Variants in ABCB5 observed in about 807,000 individuals in gnomAD.
ABCB5 encodes the protein ATP binding cassette subfamily B member 5.
Under a neutral mutation model 144.2 loss-of-function variants are expected in ABCB5, and 155 were observed. The observed-to-expected ratio is 1.08, with a 90% CI of 0.94 to 1.23. The LOEUF is 1.23. ABCB5 is among the 50% of genes most tolerant of loss of function. The pLI is 0.00. For missense variants in ABCB5, 1,830 were observed against 1,520.8 expected (o/e 1.20, Z -3.38); for synonymous variants, 610 against 528.6 (o/e 1.15, Z -2.11).
chr7:20,658,029 G>A (rs1018942043), intron 13 of ABCB5, among the ~76,000 whole-genome samples: 6 of 152,102 alleles, frequency 3.9e-5, no homozygotes, highest in South Asian at 2.1e-4. Context: ...TCTCAAGATG[G>A]AAAAAACGTT....
chr7:20,628,328 G>A (rs1783954597), intron 3 of ABCB5, among the ~76,000 whole-genome samples: 1 of 152,124 alleles, frequency 6.6e-6, no homozygotes, highest in East Asian at 1.9e-4. Context: ...TCCCTGCAAA[G>A]GACATGAACT....
At position 20,756,903 on chromosome 7, in the gene ABCB5, AG is replaced by A. The variant is rs1783102534; in HGVS notation, c.*1280del. 1.3e-5 allele frequency: 2 copies of A among 152,358 alleles called. No individual in the cohort carries two copies. The highest frequency in any genetic ancestry group is 4.8e-5 in the African/African-American group (2 of 41,458). The allele number at this position is 152,358 out of a possible 1,614,324, so 9.4% of individuals were successfully genotyped here. On this transcript the variant is annotated 3_prime_UTR_variant, in exon 28 of 28. Coordinates refer to ENST00000404938, the MANE Select transcript of ABCB5 (RefSeq NM_001163941.2). ...TTACACATTTAGCTAGCCTCCCTAA[AG>A]TGTACTCTACCAATAATTGAAATCT...
chr7:20,715,885 A>G (rs1480014155), intron 20 of ABCB5, among the ~76,000 whole-genome samples: 2 of 151,792 alleles, frequency 1.3e-5, no homozygotes, highest in Non-Finnish European at 2.9e-5. Context: ...ACGCCCAGCT[A>G]ATTTTTGTAT....
chr7:20,702,126 C>T (rs543928352), intron 19 of ABCB5, among the ~76,000 whole-genome samples: 5 of 152,288 alleles, frequency 3.3e-5, no homozygotes, highest in African/African-American at 1.2e-4. Context: ...TATGTGATTA[C>T]TTTAGATTCT....
intron 7 of ABCB5, among the ~76,000 whole-genome samples, chr7:20,644,137 G>A (rs117557136): frequency 0.099 from 14,944 of 151,596 alleles, 911 homozygotes; most frequent in Non-Finnish European, 0.13. Flanking sequence ...ACAGGCTGGA[G>A]TGCAGTGGTG....
chr7:20,629,828 T>C (rs533361090), intron 4 of ABCB5, among the ~76,000 whole-genome samples: 43 of 152,196 alleles, frequency 2.8e-4, no homozygotes, highest in African/African-American at 9.4e-4. Flanking sequence ...ATCAAATCTT[T>C]CAGTTTAGTA....
intron 1 of ABCB5, among the ~76,000 whole-genome samples, chr7:20,621,654 T>C (rs1254564330): frequency 6.6e-6 from 1 of 152,114 alleles, no homozygotes; most frequent in Non-Finnish European, 1.5e-5. Flanking sequence ...ATAGGGTAAC[T>C]AGGATTTGCA....
rs1182270524 is a variant in ABCB5 at position 20,710,227 on chromosome 7, C to T, written c.2421+5420C>T. On this transcript the variant is annotated intron_variant, in intron 20 of 27. Transcript: ENST00000404938. ...GTCTCTCTACTAAAAATTAGGTGGG[C>T]GTGGTGGGGGGCATCTATAATCCCA... Among the ~76,000 whole-genome samples the T allele has an allele frequency of 4.1e-5, 6 of 145,392 alleles. 2 individuals are homozygous for T. The highest frequency in any genetic ancestry group is 5.1e-5 in the African/African-American group (2 of 38,844).
Position 20,647,660 on chromosome 7 carries a change from T to A in ABCB5, c.1095+12T>A. 1 of 1,552,012 alleles carries A rather than the reference T, an allele frequency of 6.4e-7. No homozygotes were observed. Among genetic ancestry groups the A allele is most frequent in the Non-Finnish European group, 8.7e-7 (1 of 1,148,300 alleles). ...AGGTTATTGATAAGGTAAGACCTCT[T>A]ATTGCTTTGAAGAATAACTATCATT... On this transcript the variant is annotated intron_variant, in intron 10 of 27. Transcript: ENST00000404938.
In ABCB5 at chr7:20,646,070, G is replaced by T; in HGVS notation, c.913G>T (p.Ala305Ser). The change falls in exon 9 of 28, where the codon GCT becomes TCT. Residue 305 changes from alanine (A) to serine (S), a missense_variant. Ala to Ser is a moderately conservative substitution (Grantham distance 99). Transcript: ENST00000404938. ...YFFMNGTYGL[A>S]FWYGTSLILN... ...CTTTATGAATGGAACCTATGGACTT[G>T]CTTTTTGGTATGGAACCTCCTTGAT... 6.2e-7 allele frequency: 1 copy of T among 1,613,794 alleles called. No homozygotes were observed. The highest frequency in any genetic ancestry group is 2.2e-5 in the East Asian group (1 of 44,872).
At chr7:20,689,060 T>A (rs1434045976) in intron 16 of ABCB5, among the ~76,000 whole-genome samples, 1 of 152,086 alleles carries the variant, frequency 6.6e-6, no homozygotes, top group Non-Finnish European at 1.5e-5. Flanking sequence ...GGCACATGTA[T>A]ACATATGTAA....
intron 5 of ABCB5, among the ~76,000 whole-genome samples, chr7:20,634,209 T>C: frequency 6.7e-6 from 1 of 150,040 alleles, no homozygotes; most frequent in East Asian, 1.9e-4. Context: ...CATGATCTCA[T>C]TATTTTTATG....
chr7:20,719,695 G>A (rs1045420507), intron 20 of ABCB5, among the ~76,000 whole-genome samples: 1 of 152,176 alleles, frequency 6.6e-6, no homozygotes, highest in Non-Finnish European at 1.5e-5. Flanking sequence ...TTCGTGCAGG[G>A]AAGAGGCAGG....
At chr7:20,719,868 A>G (rs1781804896) in intron 20 of ABCB5, among the ~76,000 whole-genome samples, 1 of 152,174 alleles carries the variant, frequency 6.6e-6, no homozygotes, top group Non-Finnish European at 1.5e-5. Flanking sequence ...AATTGGAGGT[A>G]TTGATATGAC....
chr7:20,728,349 T>C lies in ABCB5; in HGVS notation c.2761T>C (p.Cys921Arg). The change falls in exon 23 of 28, where the codon TGT (cysteine) becomes CGT (arginine). Residue 921 changes from cysteine to arginine, a missense_variant. Cys to Arg is a radical substitution (Grantham distance 180, BLOSUM62 -3). Coordinates refer to ENST00000404938, the MANE Select transcript of ABCB5 (RefSeq NM_001163941.2). ...GAAGAAAGCACAGATTATTGGAAGCTGTTATGCATTCAGCCATGCCTTTAT... is the reference window on the plus strand; with the variant it reads ...GAAGAAAGCACAGATTATTGGAAGCCGTTATGCATTCAGCCATGCCTTTAT... ...TSKKAQIIGS[C>R]YAFSHAFIYF... is the part of the protein sequence containing the mutation. 6.2e-7 allele frequency: 1 copy of C among 1,614,170 alleles called. No individual in the cohort carries two copies.
chr7:20,693,665 T>C (rs1269725608), intron 16 of ABCB5, among the ~76,000 whole-genome samples: 1 of 151,996 alleles, frequency 6.6e-6, no homozygotes, highest in Non-Finnish European at 1.5e-5. Context: ...ATTAATATAC[T>C]AAGCTTCCAC....
At chr7:20,725,115 CA>C (rs1438209587) in intron 21 of ABCB5, among the ~76,000 whole-genome samples, 2 of 152,182 alleles carry the variant, frequency 1.3e-5, no homozygotes, top group Admixed American at 1.3e-4. Flanking sequence ...AGAGCAACCT[CA>C]GACTATACAA....
intron 16 of ABCB5, among the ~76,000 whole-genome samples, chr7:20,686,826 C>A (rs559429924): frequency 6.6e-6 from 1 of 152,052 alleles, no homozygotes; most frequent in Non-Finnish European, 1.5e-5. Context: ...CCTCTTAGCC[C>A]GTCTTCATGC....
intron 13 of ABCB5, among the ~76,000 whole-genome samples, chr7:20,655,193 C>T (rs1221783583): frequency 1.3e-5 from 2 of 152,102 alleles, no homozygotes; most frequent in Non-Finnish European, 2.9e-5. Context: ...AACAGCTGGG[C>T]ATTTTTTGAC....
Sources: gnomAD v4.1 joint callset for allele counts (sites outside exome capture counted in the v4.1 genomes callset) on GRCh38, gnomAD v4.1.1 for gene constraint, MANE v1.5 for transcripts, NCBI Gene and HGNC (gene_info 2026-07-23, HGNC 2026-07-21) for gene names.